Variants in GPRC5B observed in about 807,000 individuals in gnomAD.
GPRC5B encodes the protein G protein-coupled receptor family C group 5 member B.
In GPRC5B, 16 loss-of-function variants were observed where a neutral mutation model predicts 30.1. That is an observed-to-expected ratio of 0.53 (90% CI 0.36 to 0.81). The LOEUF (loss-of-function observed/expected upper bound fraction) is 0.81, where lower values mean the gene tolerates loss of function less well. Among genes scored for constraint, GPRC5B ranks in the 30% least tolerant of loss-of-function variants. The pLI, the probability that GPRC5B is intolerant of heterozygous loss-of-function variation, is 0.01. For synonymous variants in GPRC5B, 241 were observed against 239.5 expected, an observed-to-expected ratio of 1.01 and a Z score of -0.06; for missense variants, 428 against 544.7, an observed-to-expected ratio of 0.79 and a Z score of 2.13.
rs2141135226 is a variant in GPRC5B at position 19,858,678 on chromosome 16, C to T, written c.*1822G>A. The T allele has an allele frequency of 2.1e-6, 1 of 482,850 alleles. No homozygotes were observed. The highest frequency in any genetic ancestry group is 3.3e-5 in the East Asian group (1 of 30,588). The allele number at this position is 482,850 out of a possible 1,614,324, so 29.9% of individuals were successfully genotyped here. A position where few individuals can be genotyped will look rare whatever the true frequency, so the allele number is the denominator to read the frequency against. On this transcript the variant is annotated 3_prime_UTR_variant, in exon 4 of 4. Transcript: ENST00000300571. ...CCCACCCCAGGTCCTAGCTTCATTC[C>T]CTCCCACCCCTCCCCAGGACTCTTA...
intron 1 of GPRC5B, among the ~76,000 whole-genome samples, chr16:19,879,689 T>C (rs923580351): frequency 6.6e-6 from 1 of 152,118 alleles, no homozygotes; most frequent in Non-Finnish European, 1.5e-5. Flanking sequence ...TGCTAGCACC[T>C]TGTGACTCTG....
chr16:19,863,491 C>CTTTT (rs10541805), intron 2 of GPRC5B, among the ~76,000 whole-genome samples: 2 of 82,258 alleles, frequency 2.4e-5, no homozygotes, highest in African/African-American at 5.0e-5. Flanking sequence ...AATCTGTGTT[C>CTTTT]TTTTTTTTTT....
rs1429936435 is a variant in GPRC5B at position 19,859,607 on chromosome 16, G to A, written c.*893C>T. On this transcript the variant is annotated 3_prime_UTR_variant, in exon 4 of 4. Coordinates refer to ENST00000300571, the MANE Select transcript of GPRC5B (RefSeq NM_016235.3). The stretch of plus-strand genomic sequence containing the variant: ...AACCTGCCTCCCGGAGGGGCTTTCA[G>A]CTGGAGACCCCATTGGAGCTCTTGA... The A allele has an allele frequency of 6.6e-6, 1 of 152,310 alleles. No homozygotes were observed. Among genetic ancestry groups the A allele is most frequent in the Non-Finnish European group, 1.5e-5 (1 of 68,158 alleles). The allele number at this position is 152,310 out of a possible 1,614,324, so 9.4% of individuals were successfully genotyped here. A position where few individuals can be genotyped will look rare whatever the true frequency, so the allele number is the denominator to read the frequency against.
upstream of GPRC5B, chr16:19,885,131 A>G (rs1370824296): frequency 9.4e-7 from 1 of 1,061,832 alleles, no homozygotes; most frequent in Admixed American, 2.3e-5. This position sits in a 1 kb window ranked among gnomAD's most constrained non-coding sequence, Gnocchi z 5.3. Context: ...GCCCGTAAGC[A>G]GTCCAGACGA....
At chr16:19,868,090 G>A (rs1003821524) in intron 2 of GPRC5B, among the ~76,000 whole-genome samples, 3 of 150,526 alleles carry the variant, frequency 2.0e-5, no homozygotes, top group African/African-American at 7.3e-5. Context: ...AAACGAAAAA[G>A]GGGGCTGGGT....
In GPRC5B at chr16:19,857,430, A is replaced by G; in HGVS notation, c.*3070T>C. Reference sequence around the variant, plus strand: ...TATGGTACATATTGATTGTCTTGAAATTTCTTTAACTTCTTTTTTATAAGT... The same window carrying G: ...TATGGTACATATTGATTGTCTTGAAGTTTCTTTAACTTCTTTTTTATAAGT... On this transcript the variant is annotated 3_prime_UTR_variant, in exon 4 of 4. Coordinates refer to ENST00000300571, the MANE Select transcript of GPRC5B (RefSeq NM_016235.3). 4.5e-6 allele frequency: 2 copies of G among 440,394 alleles called. No homozygotes were observed. Among genetic ancestry groups the G allele is most frequent in the Non-Finnish European group, 9.0e-6 (2 of 223,198 alleles). 27.3% of individuals were successfully genotyped at this position (440,394 alleles called of 1,614,324 possible). A position where few individuals can be genotyped will look rare whatever the true frequency, so the allele number is the denominator to read the frequency against.
At chr16:19,875,006 G>C (rs1172446559) in intron 1 of GPRC5B, among the ~76,000 whole-genome samples, 6 of 152,088 alleles carry the variant, frequency 3.9e-5, no homozygotes, top group Non-Finnish European at 8.8e-5. Context: ...GTGTGGGGTT[G>C]TGACCAGCTG....
chr16:19,883,760 G>C (rs1269406607), intron 1 of GPRC5B, among the ~76,000 whole-genome samples: 1 of 152,224 alleles, frequency 6.6e-6, no homozygotes, highest in African/African-American at 2.4e-5. Context: ...GGGACGGAAA[G>C]GGAGGACTGG....
Position 19,858,636 on chromosome 16 carries a change from A to G in GPRC5B, c.*1864T>C, listed in dbSNP as rs1442298197. On this transcript the variant is annotated 3_prime_UTR_variant, in exon 4 of 4. Transcript: ENST00000300571. ...TTTCTTTTCAGAATACCGGGTCCGC[A>G]TGCAACCGCCCCCACCCCCACCCCA... 2 of 555,774 alleles carry G rather than the reference A, an allele frequency of 3.6e-6. No homozygotes were observed. The highest frequency in any genetic ancestry group is 4.8e-5 in the South Asian group (2 of 41,926). The allele number at this position is 555,774 out of a possible 1,614,324, so 34.4% of individuals were successfully genotyped here. A position where few individuals can be genotyped will look rare whatever the true frequency, so the allele number is the denominator to read the frequency against.
intron 1 of GPRC5B, among the ~76,000 whole-genome samples, chr16:19,881,747 A>G (rs1372188635): frequency 6.6e-6 from 1 of 152,220 alleles, no homozygotes; most frequent in Non-Finnish European, 1.5e-5. Flanking sequence ...GCGCCACTGC[A>G]CTCCAGCCTG....
chr16:19,871,313 A>G (rs2056717293), intron 2 of GPRC5B, among the ~76,000 whole-genome samples: 2 of 151,006 alleles, frequency 1.3e-5, no homozygotes, highest in African/African-American at 2.4e-5. Context: ...AAGAAAGAAA[A>G]AAACAAAAAA....
At chr16:19,876,049 C>T (rs1422895634) in intron 1 of GPRC5B, among the ~76,000 whole-genome samples, 1 of 152,222 alleles carries the variant, frequency 6.6e-6, no homozygotes, top group Non-Finnish European at 1.5e-5. Flanking sequence ...AGAGACTTCT[C>T]AGCAAGTTTC....
chr16:19,856,880 T>C lies in GPRC5B; in HGVS notation c.*3620A>G. On this transcript the variant is annotated 3_prime_UTR_variant, in exon 4 of 4. Transcript: ENST00000300571. ...CCCAAGGAATACAGAAGTGCTCTTA[T>C]TACCAGTTTTCCCACTTGTGGCCGC... 1 of 226,460 alleles carries C rather than the reference T, an allele frequency of 4.4e-6. No homozygotes were observed. The highest frequency in any genetic ancestry group is 8.6e-6 in the Non-Finnish European group (1 of 116,914). 14.0% of individuals were successfully genotyped at this position (226,460 alleles called of 1,614,324 possible). A position where few individuals can be genotyped will look rare whatever the true frequency, so the allele number is the denominator to read the frequency against.
At chr16:19,873,458 C>T (rs1597630579) in intron 1 of GPRC5B, among the ~76,000 whole-genome samples, 2 of 143,102 alleles carry the variant, frequency 1.4e-5, no homozygotes, top group South Asian at 2.2e-4. Context: ...AGCTAGACTC[C>T]GTCTCCAAAA....
chr16:19,866,876 G>A (rs2056672337), intron 2 of GPRC5B, among the ~76,000 whole-genome samples: 1 of 152,200 alleles, frequency 6.6e-6, no homozygotes, highest in South Asian at 2.1e-4. Flanking sequence ...GCACCTTATT[G>A]ATAAGTCTGG....
At chr16:19,876,740 A>AT (rs1455699247) in intron 1 of GPRC5B, among the ~76,000 whole-genome samples, 13 of 152,204 alleles carry the variant, frequency 8.5e-5, no homozygotes, top group African/African-American at 3.1e-4. Flanking sequence ...GACATGGGAA[A>AT]TAGATACACT....
intron 2 of GPRC5B, among the ~76,000 whole-genome samples, chr16:19,863,566 C>T (rs1473754253): frequency 2.7e-5 from 4 of 147,124 alleles, no homozygotes; most frequent in Admixed American, 7.0e-5. Flanking sequence ...GGTGCAATCT[C>T]GGCTCACTGC....
At chr16:19,881,359 G>T (rs1261452089) in intron 1 of GPRC5B, among the ~76,000 whole-genome samples, 1 of 151,910 alleles carries the variant, frequency 6.6e-6, no homozygotes, top group Non-Finnish European at 1.5e-5. Flanking sequence ...TTGAGGAAGG[G>T]AGTTCAAGAC....
At position 19,872,569 on chromosome 16, in the gene GPRC5B, C is replaced by G. The variant is rs1346909304; in HGVS notation, c.277G>C (p.Val93Leu). ...AGGAGGAACAGAAAGTGGAGGCCCA[C>G]AGGGCTCTTCTTCTCCTTCTCCTTG... ...FIKEKEKKSP[V>L]GLHFLFLLGT... Residue 93 changes from valine to leucine, a missense_variant, in exon 2 of 4, where the codon GTG becomes CTG. By Grantham distance (32) the Val-to-Leu change is conservative. This residue lies in a region of GPRC5B where 196 missense variants were observed against 272.6 expected (regional missense o/e 0.72). Transcript: ENST00000300571. The surrounding 1 kb of genome is among the most constrained non-coding windows in gnomAD (Gnocchi z 5.0). 7 of 1,614,142 alleles carry G rather than the reference C, an allele frequency of 4.3e-6. No homozygotes were observed. The South Asian group carries it at 7.7e-5, about 18-fold the overall frequency.
Sources: gnomAD v4.1 joint callset for allele counts (sites outside exome capture counted in the v4.1 genomes callset) on GRCh38, gnomAD v4.1.1 for gene constraint, gnomAD v4.1.1 regional missense constraint, Gnocchi (gnomAD v3.1) non-coding constraint, MANE v1.5 for transcripts, NCBI Gene and HGNC (gene_info 2026-07-23, HGNC 2026-07-21) for gene names.